The following EPCAM variants were observed in gnomAD, a reference collection of about 807,000 sequenced individuals.
EPCAM encodes epithelial cell adhesion molecule.
A neutral mutation model predicts 40.0 loss-of-function variants in EPCAM; 39 were observed. The observed-to-expected ratio is 0.98, with a 90% CI of 0.76 to 1.27. EPCAM has a LOEUF of 1.27. Among genes scored for constraint, EPCAM ranks in the 50% most tolerant of loss-of-function variants. EPCAM has a pLI of 0.00. For missense variants in EPCAM, 503 were observed against 381.2 expected, an observed-to-expected ratio of 1.32 and a Z score of -2.66; for synonymous variants, 168 against 132.3, an observed-to-expected ratio of 1.27 and a Z score of -1.85.
intron 6 of EPCAM, 77 bp from the exon 7 acceptor site, chr2:47,379,692 C>A (rs1671528452): frequency 4.6e-6 from 7 of 1,509,060 alleles, no homozygotes; most frequent in Non-Finnish European, 6.4e-6. Flanking sequence ...TTTTGGCATA[C>A]AATTTGTATG....
chr2:47,378,937 C>A lies in EPCAM; in HGVS notation c.556-16C>A. On this transcript the variant is annotated splice_polypyrimidine_tract_variant and intron_variant, in intron 5 of 8. Coordinates refer to ENST00000263735, the MANE Select transcript of EPCAM (RefSeq NM_002354.3). ...TATATTAGTATTAATTTGTATTATT[C>A]AATTTTTTTCCCCAGTATGAGAATA... 9.2e-7 allele frequency: 1 copy of A among 1,088,400 alleles called. No individual in the cohort carries two copies. Among genetic ancestry groups the A allele is most frequent in the South Asian group, 1.3e-5 (1 of 79,988 alleles). 67.4% of individuals were successfully genotyped at this position (1,088,400 alleles called of 1,614,324 possible).
chr2:47,373,229 A>C (rs867812256), intron 1 of EPCAM, among the ~76,000 whole-genome samples: 16 of 150,528 alleles, frequency 1.1e-4, no homozygotes, highest in African/African-American at 2.0e-4. Context: ...AAAAAAAAAA[A>C]AAAAAACAGG....
chr2:47,384,362 T>C (rs1481650170), intron 7 of EPCAM, among the ~76,000 whole-genome samples: 10 of 150,202 alleles, frequency 6.7e-5, no homozygotes, highest in Non-Finnish European at 1.0e-4. Context: ...CCTCAGCCTC[T>C]GAAAGTGGTA....
intron 8 of EPCAM, 105 bp from the exon 9 acceptor site, chr2:47,386,467 T>A: frequency 2.3e-6 from 2 of 852,774 alleles, no homozygotes; most frequent in Non-Finnish European, 3.7e-6. Context: ...GGGAAAAAAT[T>A]ATCTTGTGTT....
At chr2:47,383,021 C>G (rs911201815) in intron 7 of EPCAM, 3 of 150,404 alleles carry the variant, frequency 2.0e-5, no homozygotes, top group African/African-American at 7.3e-5. Flanking sequence ...AATGGAGTCT[C>G]GCTGGCCGGA....
chr2:47,382,413 G>A (rs1450219273), intron 7 of EPCAM, among the ~76,000 whole-genome samples: 2 of 152,320 alleles, frequency 1.3e-5, no homozygotes, highest in South Asian at 2.1e-4. Flanking sequence ...CTGGCCAGGC[G>A]TGGTGGCTTA....
At position 47,386,933 on chromosome 2, in the gene EPCAM, T is replaced by C. The variant is rs1425860841; in HGVS notation, c.*320T>C. On this transcript the variant is annotated 3_prime_UTR_variant, in exon 9 of 9. Coordinates refer to ENST00000263735, the MANE Select transcript of EPCAM (RefSeq NM_002354.3). ...CCACAGTAAAATCTGAAAAACTGAT[T>C]TGTGATTGAAAGCTGCCTTTCTATT... 1 of 268,340 alleles carries C rather than the reference T, an allele frequency of 3.7e-6. No homozygotes were observed. Among genetic ancestry groups the C allele is most frequent in the Non-Finnish European group, 7.1e-6 (1 of 141,768 alleles). The allele number at this position is 268,340 out of a possible 1,614,324, so 16.6% of individuals were successfully genotyped here.
At chr2:47,370,088 C>CGCGGCAG (rs1436389230) in intron 1 of EPCAM, among the ~76,000 whole-genome samples, 1 of 152,232 alleles carries the variant, frequency 6.6e-6, no homozygotes, top group African/African-American at 2.4e-5. Context: ...TGCACCTGCG[C>CGCGGCAG]GCGGCAGGCG....
chr2:47,377,547 G>T, intron 5 of EPCAM: 1 of 240,302 alleles, frequency 4.2e-6, no homozygotes, highest in Non-Finnish European at 8.3e-6. Context: ...CATTGTTTTT[G>T]GTTATCGTTG....
At position 47,373,470 on chromosome 2, in the gene EPCAM, CTG is replaced by C; in HGVS notation, c.87_88del (p.Cys29Ter). Reference protein sequence around the residue: ...TFAAAQEECVCENYKLAVNCF... With the variant: ...TFAAAQEECVXENYKLAVNCF... Reference sequence around the variant, plus strand: ...TTTTTTTTAATTTTCTAGAATGTGTCTGTGAAAACTACAAGCTGGCCGTAAAC... The same window carrying C: ...TTTTTTTTAATTTTCTAGAATGTGTCTGAAAACTACAAGCTGGCCGTAAAC... On this transcript the variant is annotated frameshift_variant, in exon 2 of 9. Coordinates refer to ENST00000263735, the MANE Select transcript of EPCAM (RefSeq NM_002354.3). LOFTEE classifies it high-confidence loss of function. 6.2e-7 allele frequency: 1 copy of C among 1,606,098 alleles called. No individual in the cohort carries two copies. The highest frequency in any genetic ancestry group is 8.5e-7 in the Non-Finnish European group (1 of 1,173,514).
intron 1 of EPCAM, 85 bp from the exon 2 acceptor site, chr2:47,373,378 G>A (rs1379966703): frequency 5.8e-6 from 5 of 859,628 alleles, no homozygotes; most frequent in Non-Finnish European, 7.5e-6. Context: ...GTAACTTTAG[G>A]CATTATTATT....
rs764523654 is a variant in EPCAM at position 47,373,868 on chromosome 2, C to G, written c.245C>G (p.Ala82Gly). The G allele has an allele frequency of 2.5e-6, 4 of 1,613,990 alleles. No homozygotes were observed. The highest frequency in any genetic ancestry group is 3.4e-6 in the Non-Finnish European group (4 of 1,180,006). Residue 82 changes from alanine (A) to glycine (G), a missense_variant, in exon 3 of 9, where the codon GCA (alanine) becomes GGA (glycine). Transcript: ENST00000263735. ...EMNGSKLGRR[A>G]KPEGALQNND... ...AATGGCTCAAAACTTGGGAGAAGAGCAAAACCTGAAGGGGCCCTCCAGAAC... is the reference window on the plus strand; with the variant it reads ...AATGGCTCAAAACTTGGGAGAAGAGGAAAACCTGAAGGGGCCCTCCAGAAC...
chr2:47,379,574 C>T (rs1392829341), intron 6 of EPCAM, among the ~76,000 whole-genome samples, 195 bp from the exon 7 acceptor site: 1 of 152,144 alleles, frequency 6.6e-6, no homozygotes, highest in East Asian at 1.9e-4. Context: ...TTGCACTACT[C>T]TTTCTACTTT....
chr2:47,369,811 T>C (rs768662824), intron 1 of EPCAM: 6 of 669,218 alleles, frequency 9.0e-6, no homozygotes, highest in South Asian at 7.6e-5. Flanking sequence ...CTCGCCTTGG[T>C]AGGGAAATGG....
chr2:47,386,688 A>C lies in EPCAM; in HGVS notation c.*75A>C, dbSNP rs1447308308. ...ATTACAAATGTGTGTGCGTGGGACG[A>C]AGACATCTTTGAAGGTCATGAGTTT... On this transcript the variant is annotated 3_prime_UTR_variant, in exon 9 of 9. Transcript: ENST00000263735. 5 of 1,148,770 alleles carry C rather than the reference A, an allele frequency of 4.4e-6. No homozygotes were observed. The highest frequency in any genetic ancestry group is 6.6e-6 in the Non-Finnish European group (5 of 760,332). The allele number at this position is 1,148,770 out of a possible 1,614,324, so 71.2% of individuals were successfully genotyped here. A position where few individuals can be genotyped will look rare whatever the true frequency, so the allele number is the denominator to read the frequency against.
At chr2:47,381,695 T>C (rs774166874) in intron 7 of EPCAM, among the ~76,000 whole-genome samples, 7 of 152,150 alleles carry the variant, frequency 4.6e-5, no homozygotes, top group Non-Finnish European at 8.8e-5. Context: ...TGAGGGAATG[T>C]TTGTACAACC....
intron 1 of EPCAM, among the ~76,000 whole-genome samples, chr2:47,371,006 C>A (rs769861382): frequency 3.3e-5 from 5 of 151,978 alleles, no homozygotes; most frequent in Non-Finnish European, 7.4e-5. Context: ...AGCCACAGTG[C>A]CAGCCGAATA....
At chr2:47,378,495 T>C (rs1671488127) in intron 5 of EPCAM, among the ~76,000 whole-genome samples, 2 of 151,820 alleles carry the variant, frequency 1.3e-5, no homozygotes, top group Non-Finnish European at 2.9e-5. Context: ...AGAGATGGGG[T>C]TTCTCCATGT....
chr2:47,380,851 G>T (rs1051729147), intron 7 of EPCAM, among the ~76,000 whole-genome samples: 2 of 152,108 alleles, frequency 1.3e-5, no homozygotes, highest in African/African-American at 4.8e-5. Context: ...CACTTTGGAA[G>T]GCTGAGGCGG....
Sources: allele counts gnomAD v4.1 joint callset (sites outside exome capture counted in the v4.1 genomes callset), GRCh38; gene constraint gnomAD v4.1.1; transcripts MANE v1.5; gene names NCBI Gene and HGNC (gene_info 2026-07-23, HGNC 2026-07-21).